Variants in SCUBE2 observed in about 807,000 individuals in gnomAD.
SCUBE2 encodes signal peptide, CUB domain and EGF like domain containing 2.
SCUBE2 carries 114 observed loss-of-function variants against 125.9 expected under a neutral mutation model. That is an observed-to-expected ratio of 0.91 (90% CI 0.78 to 1.06). The LOEUF is 1.06. Ranked by LOEUF, SCUBE2 falls within the 50% of genes least tolerant of loss-of-function variation. The pLI is 0.00. For missense variants in SCUBE2, 1,255 were observed against 1,301.8 expected, an observed-to-expected ratio of 0.96 and a Z score of 0.55; for synonymous variants, 459 against 492.9, an observed-to-expected ratio of 0.93 and a Z score of 0.91.
intron 17 of SCUBE2, among the ~76,000 whole-genome samples, chr11:9,031,425 G>T (rs1229333277): frequency 1.3e-5 from 2 of 152,162 alleles, no homozygotes. Context: ...TTGAGCCTAG[G>T]AGCTCAAGAC....
intron 16 of SCUBE2, among the ~76,000 whole-genome samples, chr11:9,039,799 G>A (rs964836044): frequency 7.2e-5 from 11 of 152,254 alleles, no homozygotes; most frequent in Middle Eastern, 3.4e-3. Flanking sequence ...CCCACAACTC[G>A]GGCGCAGGGC....
At chr11:9,063,248 AAAAAAGAAAG>A (rs1226508177) in intron 7 of SCUBE2, among the ~76,000 whole-genome samples, 1 of 151,634 alleles carries the variant, frequency 6.6e-6, no homozygotes, top group Non-Finnish European at 1.5e-5. Flanking sequence ...TCTGTCTCAA[AAAAAAGAAAG>A]AAAAAGAAAT....
intron 13 of SCUBE2, among the ~76,000 whole-genome samples, chr11:9,051,225 T>TCTACCTAC (rs1555245377): frequency 0.058 from 7,728 of 132,232 alleles, 268 homozygotes; most frequent in South Asian, 0.15. Flanking sequence ...TATCTATCTA[T>TCTACCTAC]CTACCTACCT....
chr11:9,057,965 G>A (rs1859262730), intron 9 of SCUBE2, among the ~76,000 whole-genome samples: 1 of 152,196 alleles, frequency 6.6e-6, no homozygotes, highest in South Asian at 2.1e-4. Context: ...ATAGAAAACA[G>A]CTTTCCCCCA....
At chr11:9,025,127 C>T (rs752541144) in intron 21 of SCUBE2, among the ~76,000 whole-genome samples, 3 of 152,196 alleles carry the variant, frequency 2.0e-5, no homozygotes, top group African/African-American at 7.2e-5. Context: ...AGATGGGCCA[C>T]CTCTTCATCT....
chr11:9,030,620 G>A, intron 18 of SCUBE2, 138 bp downstream of exon 18: 1 of 842,616 alleles, frequency 1.2e-6, no homozygotes, highest in East Asian at 2.5e-5. Context: ...ATCCTGCTGG[G>A]GCGAGTGGAG....
chr11:9,071,614 G>A lies in SCUBE2; in HGVS notation c.518-2119C>T, dbSNP rs143850239. 7.1e-3 allele frequency among the ~76,000 whole-genome samples: 1,083 copies of A among 152,212 alleles called. 5 individuals are homozygous for A. Among genetic ancestry groups the A allele is most frequent in the South Asian group, 0.014 (68 of 4,808 alleles). ...CTGGTTGTCACGTCCAGGATGGTTC[G>A]TTCACCAGAAGGGAAACAGCTCAGA... On this transcript the variant is annotated intron_variant, in intron 4 of 22. Coordinates refer to ENST00000649792, the MANE Select transcript of SCUBE2 (RefSeq NM_001367977.2).
chr11:9,087,953 T>C (rs1440043646), intron 2 of SCUBE2, among the ~76,000 whole-genome samples: 4 of 152,234 alleles, frequency 2.6e-5, no homozygotes, highest in Admixed American at 2.6e-4. Context: ...TGTCTGTTTG[T>C]TGGAAAAGAC....
chr11:9,048,228 G>C (rs964370224), intron 14 of SCUBE2, 130 bp from the exon 15 acceptor site: 1 of 838,736 alleles, frequency 1.2e-6, no homozygotes, highest in Non-Finnish European at 1.8e-6. Context: ...CAGATGCCAA[G>C]ACACTGCAAG....
intron 16 of SCUBE2, among the ~76,000 whole-genome samples, chr11:9,044,920 G>T (rs543151872): frequency 6.6e-6 from 1 of 152,248 alleles, no homozygotes; most frequent in Non-Finnish European, 1.5e-5. Context: ...TCTGCACTTT[G>T]GGGGAGTACG....
At chr11:9,022,739 TTTC>T (rs987548214) in intron 21 of SCUBE2, 34 of 152,706 alleles carry the variant, frequency 2.2e-4, no homozygotes, top group African/African-American at 8.2e-4. Context: ...CTTCTTTGCT[TTTC>T]TTCTTCTCTC....
At chr11:9,028,545 C>T (rs1442890043) in intron 19 of SCUBE2, among the ~76,000 whole-genome samples, 1 of 152,016 alleles carries the variant, frequency 6.6e-6, no homozygotes, top group African/African-American at 2.4e-5. Context: ...ATGAGAAAGA[C>T]ACAGTCTTTG....
chr11:9,086,523 C>A (rs559032058), intron 2 of SCUBE2, among the ~76,000 whole-genome samples: 17 of 152,152 alleles, frequency 1.1e-4, no homozygotes, highest in Non-Finnish European at 2.5e-4. Context: ...AGAAAATTTC[C>A]ATTTCTGTAC....
At chr11:9,074,893 G>A (rs1267222833) in intron 3 of SCUBE2, among the ~76,000 whole-genome samples, 1 of 152,188 alleles carries the variant, frequency 6.6e-6, no homozygotes, top group Non-Finnish European at 1.5e-5. Flanking sequence ...TGCTAGAGGA[G>A]ACAGCAAAAT....
chr11:9,057,464 A>G (rs1237579747), intron 9 of SCUBE2: 1 of 152,100 alleles, frequency 6.6e-6, no homozygotes, highest in Non-Finnish European at 1.5e-5. Context: ...AGGTAATGCT[A>G]CATCTTTGTT....
chr11:9,073,328 T>C (rs1860959549), intron 4 of SCUBE2, among the ~76,000 whole-genome samples: 1 of 152,106 alleles, frequency 6.6e-6, no homozygotes, highest in African/African-American at 2.4e-5. Context: ...AAAGCCAGTA[T>C]GTGTGACTTC....
Position 9,025,874 on chromosome 11 carries a change from A to T in SCUBE2, c.2702-20T>A. The T allele has an allele frequency of 6.2e-7, 1 of 1,611,630 alleles. No homozygotes were observed. The highest frequency in any genetic ancestry group is 8.5e-7 in the Non-Finnish European group (1 of 1,178,714). On this transcript the variant is annotated intron_variant, in intron 20 of 22. Coordinates refer to ENST00000649792, the MANE Select transcript of SCUBE2 (RefSeq NM_001367977.2). ...ATGAAGCTGCCAAGGGAAGTTGGAG[A>T]AGGGTGGGGTTCAAGACTCATCACT...
intron 16 of SCUBE2, among the ~76,000 whole-genome samples, chr11:9,043,802 ATTTTT>A (rs56287123): frequency 7.1e-6 from 1 of 140,288 alleles, no homozygotes; most frequent in African/African-American, 2.6e-5. Flanking sequence ...TAAAATGACT[ATTTTT>A]TTTTTTTTTT....
chr11:9,060,467 C>T lies in SCUBE2; in HGVS notation c.908G>A (p.Gly303Asp). The change falls in exon 8 of 23, where the codon GGT (glycine) becomes GAT (aspartate). Residue 303 changes from glycine (G) to aspartate (D), a missense_variant. Gly to Asp is a moderately conservative substitution (Grantham distance 94). Coordinates refer to ENST00000649792, the MANE Select transcript of SCUBE2 (RefSeq NM_001367977.2). ...CDRTCKDTST[G>D]VHCSCPVGFT... Reference sequence around the variant, plus strand: ...TCCAACAGGACAACTGCAGTGGACACCTGTCGAAGTATCCTTACAGGTGCG... The same window carrying T: ...TCCAACAGGACAACTGCAGTGGACATCTGTCGAAGTATCCTTACAGGTGCG... The T allele has an allele frequency of 6.2e-7, 1 of 1,614,148 alleles. No homozygotes were observed. The highest frequency in any genetic ancestry group is 8.5e-7 in the Non-Finnish European group (1 of 1,179,992).
Sources: gnomAD v4.1 joint callset for allele counts (sites outside exome capture counted in the v4.1 genomes callset) on GRCh38, gnomAD v4.1.1 for gene constraint, MANE v1.5 for transcripts, NCBI Gene and HGNC (gene_info 2026-07-23, HGNC 2026-07-21) for gene names.